The following SCFD2 variants were observed in gnomAD, a reference collection of about 807,000 sequenced individuals.
SCFD2 encodes sec1 family domain containing 2.
A neutral mutation model predicts 58.9 loss-of-function variants in SCFD2; 54 were observed. That is an observed-to-expected ratio of 0.92 (90% CI 0.74 to 1.15). The LOEUF is 1.15. SCFD2 is among the 50% of genes most tolerant of loss of function. SCFD2 has a pLI of 0.00. For synonymous variants in SCFD2, 321 were observed against 335.9 expected (o/e 0.96, Z 0.49); for missense variants, 805 against 836.6 (o/e 0.96, Z 0.47).
chr4:53,330,168 G>A lies in SCFD2; in HGVS notation c.1008-16405C>T, dbSNP rs371129133. On this transcript the variant is annotated intron_variant, in intron 2 of 8. Coordinates refer to ENST00000401642, the MANE Select transcript of SCFD2 (RefSeq NM_152540.4). ...AGAATGGAACCAAGTTGGAAAACAC[G>A]CTGCAGGATATTATCCAGGAGAACT... Among the ~76,000 whole-genome samples, 281 of 152,266 alleles carry A rather than the reference G, an allele frequency of 1.8e-3. 1 individual carries two copies. Among genetic ancestry groups the A allele is most frequent in the Non-Finnish European group, 3.3e-3 (224 of 68,036 alleles).
chr4:53,128,833 G>C (rs533502098), intron 5 of SCFD2, among the ~76,000 whole-genome samples: 4 of 152,098 alleles, frequency 2.6e-5, no homozygotes, highest in Non-Finnish European at 5.9e-5. Flanking sequence ...TCACAGAAGG[G>C]CTGTGCATTC....
intron 5 of SCFD2, among the ~76,000 whole-genome samples, chr4:53,022,973 A>C (rs1037349847): frequency 1.3e-5 from 2 of 152,194 alleles, no homozygotes; most frequent in Non-Finnish European, 2.9e-5. Context: ...GTGCTTCTAC[A>C]GGCATTTTGA....
chr4:53,361,203 A>T (rs1734539820), intron 1 of SCFD2, among the ~76,000 whole-genome samples: 1 of 152,236 alleles, frequency 6.6e-6, no homozygotes, highest in Admixed American at 6.5e-5. Flanking sequence ...AAAAAACAAA[A>T]GATGTTGAAC....
At chr4:53,291,424 G>T (rs1401879618) in intron 3 of SCFD2, among the ~76,000 whole-genome samples, 1 of 152,036 alleles carries the variant, frequency 6.6e-6, no homozygotes, top group Non-Finnish European at 1.5e-5. Flanking sequence ...AACAAGGGAA[G>T]TGAAGGACCT....
At chr4:53,059,487 A>G (rs1465169976) in intron 5 of SCFD2, among the ~76,000 whole-genome samples, 4 of 152,184 alleles carry the variant, frequency 2.6e-5, no homozygotes, top group Non-Finnish European at 2.9e-5. Context: ...CAGCCGGAAC[A>G]TGGGTCTTGG....
At chr4:53,300,685 C>A (rs564833300) in intron 3 of SCFD2, among the ~76,000 whole-genome samples, 1 of 152,276 alleles carries the variant, frequency 6.6e-6, no homozygotes, top group African/African-American at 2.4e-5. Context: ...CCAAAACTGA[C>A]CACATATTTG....
chr4:53,202,069 C>T (rs1222314977), intron 4 of SCFD2, among the ~76,000 whole-genome samples: 1 of 152,096 alleles, frequency 6.6e-6, no homozygotes, highest in East Asian at 1.9e-4. Flanking sequence ...GTTGCCATTG[C>T]TTTTGGTGTT....
intron 6 of SCFD2, among the ~76,000 whole-genome samples, chr4:52,916,308 GC>G (rs1280524152): frequency 6.6e-6 from 1 of 152,228 alleles, no homozygotes; most frequent in African/African-American, 2.4e-5. Context: ...AGTAGCTCAT[GC>G]CTGTAATCCC....
In SCFD2 at chr4:53,365,799, G is replaced by T. The variant is rs779055152; in HGVS notation, c.143C>A (p.Ala48Glu). ...CAGGTGACAGTCAGGACCCCCCACC[G>T]CCTCCAGGAGACGGGTGGATCCGCA... ...WGCGSTRLLEAVGGPDCHLRE... is the reference protein window; with the variant it reads ...WGCGSTRLLEEVGGPDCHLRE... Residue 48 changes from alanine (A) to glutamate (E), a missense_variant, in exon 1 of 9, where the codon GCG becomes GAG. Ala to Glu is a moderately radical substitution (Grantham distance 107). This residue lies in a region of SCFD2 where 155 missense variants were observed against 149.7 expected (regional missense o/e 1.04). Coordinates refer to ENST00000401642, the MANE Select transcript of SCFD2 (RefSeq NM_152540.4). The surrounding 1 kb of genome is among the most constrained non-coding windows in gnomAD (Gnocchi z 4.3). 32 of 1,613,788 alleles carry T rather than the reference G, an allele frequency of 2.0e-5. 1 individual carries two copies. In the Admixed American group the frequency reaches 4.3e-4, roughly 22 times the overall value.
intron 4 of SCFD2, among the ~76,000 whole-genome samples, chr4:53,269,391 G>A (rs1223252971): frequency 1.3e-5 from 2 of 152,066 alleles, no homozygotes. Flanking sequence ...CAGAGATAAA[G>A]ACAGTGATAG....
At chr4:53,243,982 G>A (rs4864738) in intron 4 of SCFD2, among the ~76,000 whole-genome samples, 148,584 of 152,294 alleles carry the variant, frequency 0.98, 72,601 homozygotes, top group Middle Eastern at 1. Flanking sequence ...AAAAAAGACA[G>A]AGAAGGACAT....
chr4:52,926,277 C>A (rs560957247), intron 5 of SCFD2, among the ~76,000 whole-genome samples: 127 of 152,092 alleles, frequency 8.4e-4, no homozygotes, highest in African/African-American at 2.9e-3. Context: ...AGTTTGGGTT[C>A]ATTACTTAGG....
chr4:53,336,373 TAGAGTA>T (rs1733683505), intron 2 of SCFD2, among the ~76,000 whole-genome samples: 1 of 152,188 alleles, frequency 6.6e-6, no homozygotes, highest in African/African-American at 2.4e-5. Flanking sequence ...AGACTGCTTT[TAGAGTA>T]AAAGAAAAAA....
intron 5 of SCFD2, among the ~76,000 whole-genome samples, chr4:53,032,021 G>A (rs1403361704): frequency 6.6e-6 from 1 of 152,186 alleles, no homozygotes; most frequent in Non-Finnish European, 1.5e-5. Flanking sequence ...AGGAAAAAAT[G>A]TTAAGGGCAG....
intron 2 of SCFD2, among the ~76,000 whole-genome samples, chr4:53,339,103 C>A (rs1379709432): frequency 3.9e-5 from 6 of 151,936 alleles, no homozygotes; most frequent in Non-Finnish European, 1.5e-5. Flanking sequence ...TAAGTAAATA[C>A]AATGAACTTT....
chr4:53,173,842 T>G (rs76674621), intron 4 of SCFD2, among the ~76,000 whole-genome samples: 2,782 of 152,266 alleles, frequency 0.018, 91 homozygotes, highest in African/African-American at 0.063. Flanking sequence ...CATACACCTC[T>G]ACACTTTTAC....
chr4:53,222,124 G>A (rs759796206), intron 4 of SCFD2, among the ~76,000 whole-genome samples: 4 of 152,098 alleles, frequency 2.6e-5, no homozygotes, highest in Non-Finnish European at 5.9e-5. Flanking sequence ...CATCTCATCT[G>A]GATTATGTCT....
chr4:52,876,242 T>C (rs1718471016), intron 8 of SCFD2, among the ~76,000 whole-genome samples: 1 of 152,104 alleles, frequency 6.6e-6, no homozygotes, highest in South Asian at 2.1e-4. Flanking sequence ...ATGGCAAGGA[T>C]TACATAAGAT....
At chr4:53,331,953 A>C (rs1733490254) in intron 2 of SCFD2, among the ~76,000 whole-genome samples, 1 of 152,246 alleles carries the variant, frequency 6.6e-6, no homozygotes, top group African/African-American at 2.4e-5. Flanking sequence ...CTACCATCAG[A>C]GAATACTACA....
Sources: gnomAD v4.1 joint callset for allele counts (sites outside exome capture counted in the v4.1 genomes callset) on GRCh38, gnomAD v4.1.1 for gene constraint, gnomAD v4.1.1 regional missense constraint, Gnocchi (gnomAD v3.1) non-coding constraint, MANE v1.5 for transcripts, NCBI Gene and HGNC (gene_info 2026-07-23, HGNC 2026-07-21) for gene names.